SLC25A21: variants seen among roughly 807,000 people sequenced by gnomAD.
SLC25A21 encodes mitochondrial 2-oxodicarboxylate carrier.
Under a neutral mutation model 43.8 loss-of-function variants are expected in SLC25A21, and 47 were observed. That is an observed-to-expected ratio of 1.07 (90% confidence interval 0.85 to 1.37). The LOEUF is 1.37. Among genes scored for constraint, SLC25A21 ranks in the 40% most tolerant of loss-of-function variants. SLC25A21 has a pLI of 0.00. For missense variants in SLC25A21, 352 were observed against 350.2 expected, an observed-to-expected ratio of 1.00 and a Z score of -0.04; for synonymous variants, 131 against 121.3, an observed-to-expected ratio of 1.08 and a Z score of -0.52.
chr14:36,776,617 G>A (rs1019283254), intron 3 of SLC25A21, among the ~76,000 whole-genome samples: 2 of 151,928 alleles, frequency 1.3e-5, no homozygotes, highest in Non-Finnish European at 2.9e-5. Flanking sequence ...CCAACTGTAG[G>A]GTTCCCTTGT....
intron 3 of SLC25A21, among the ~76,000 whole-genome samples, chr14:36,745,090 G>A (rs113012702): frequency 0.042 from 6,263 of 150,080 alleles, 424 homozygotes; most frequent in African/African-American, 0.15. Flanking sequence ...GAGAATATGC[G>A]CTGCCTTGTT....
intron 1 of SLC25A21, among the ~76,000 whole-genome samples, chr14:37,049,638 T>C (rs775074394): frequency 2.6e-5 from 4 of 152,208 alleles, no homozygotes; most frequent in Non-Finnish European, 5.9e-5. Flanking sequence ...CACTTCAGAC[T>C]GATGTTGTAC....
At chr14:37,110,346 T>G (rs909823314) in intron 1 of SLC25A21, among the ~76,000 whole-genome samples, 1 of 152,168 alleles carries the variant, frequency 6.6e-6, no homozygotes, top group African/African-American at 2.4e-5. Flanking sequence ...AACTTTCACA[T>G]TTACCAAAAT....
At chr14:36,883,468 C>G (rs1253146568) in intron 1 of SLC25A21, among the ~76,000 whole-genome samples, 1 of 152,178 alleles carries the variant, frequency 6.6e-6, no homozygotes, top group African/African-American at 2.4e-5. Context: ...TTTTTCATTT[C>G]TCTCTAGTGT....
chr14:36,896,157 A>G (rs2138590197), intron 1 of SLC25A21, among the ~76,000 whole-genome samples: 1 of 152,238 alleles, frequency 6.6e-6, no homozygotes. Flanking sequence ...GTCTTCCATT[A>G]TTATTGTGTA....
chr14:36,922,122 G>C (rs1376694818), intron 1 of SLC25A21, among the ~76,000 whole-genome samples: 1 of 147,600 alleles, frequency 6.8e-6, no homozygotes, highest in Non-Finnish European at 1.5e-5. Context: ...CTGGGCAACA[G>C]AGCGAGATTC....
chr14:36,703,230 C>A (rs959627323), intron 7 of SLC25A21, among the ~76,000 whole-genome samples: 4 of 152,164 alleles, frequency 2.6e-5, no homozygotes, highest in African/African-American at 9.7e-5. Flanking sequence ...ATAAACAGCT[C>A]TGTCTAAGTT....
intron 1 of SLC25A21, among the ~76,000 whole-genome samples, chr14:37,054,039 C>A (rs1043629217): frequency 2.6e-5 from 4 of 152,208 alleles, no homozygotes; most frequent in Admixed American, 6.5e-5. Context: ...TATGGTCTGG[C>A]TTTGGGGACT....
At chr14:36,827,455 G>A (rs1319472063) in intron 2 of SLC25A21, among the ~76,000 whole-genome samples, 1 of 152,108 alleles carries the variant, frequency 6.6e-6, no homozygotes, top group South Asian at 2.1e-4. Context: ...TGCGACAACT[G>A]CAAATTCATA....
intron 3 of SLC25A21, among the ~76,000 whole-genome samples, chr14:36,809,837 T>C (rs2138436265): frequency 6.6e-6 from 1 of 152,312 alleles, no homozygotes; most frequent in South Asian, 2.1e-4. Flanking sequence ...CTATCTTCCC[T>C]GCAGGCCACA....
At chr14:36,944,839 G>A (rs1440712408) in intron 1 of SLC25A21, among the ~76,000 whole-genome samples, 1 of 152,100 alleles carries the variant, frequency 6.6e-6, no homozygotes, top group Non-Finnish European at 1.5e-5. Flanking sequence ...TAGGTCCACT[G>A]CCTGAAGCTG....
intron 1 of SLC25A21, among the ~76,000 whole-genome samples, chr14:36,904,832 T>C (rs1015550772): frequency 5.3e-5 from 8 of 152,090 alleles, no homozygotes; most frequent in African/African-American, 1.7e-4. Flanking sequence ...GGTCCCTCCC[T>C]GGACATGTGA....
At chr14:36,877,295 G>T (rs1038882865) in intron 1 of SLC25A21, among the ~76,000 whole-genome samples, 19 of 152,176 alleles carry the variant, frequency 1.2e-4, no homozygotes, top group Non-Finnish European at 2.9e-5. Context: ...CTTACAGCAA[G>T]ACTTGGAGAA....
At chr14:37,139,025 G>A (rs566612608) in intron 1 of SLC25A21, among the ~76,000 whole-genome samples, 58 of 152,106 alleles carry the variant, frequency 3.8e-4, no homozygotes, top group African/African-American at 7.0e-4. Flanking sequence ...TTTGTACTAC[G>A]TGGAATTCCA....
At chr14:37,009,085 C>A (rs1050188508) in intron 1 of SLC25A21, among the ~76,000 whole-genome samples, 1 of 152,198 alleles carries the variant, frequency 6.6e-6, no homozygotes, top group Non-Finnish European at 1.5e-5. Flanking sequence ...CCTACCCCTA[C>A]CCCACCATCT....
chr14:36,679,734 A>C lies in SLC25A21; in HGVS notation c.*924T>G, dbSNP rs117806461. On this transcript the variant is annotated 3_prime_UTR_variant, in exon 10 of 10. Transcript: ENST00000331299. Reference sequence around the variant, plus strand: ...TCTGTTCTATACATTCTTCCTAAAAATGGCACAGGTAGGCATGCTGAATAA... The same window carrying C: ...TCTGTTCTATACATTCTTCCTAAAACTGGCACAGGTAGGCATGCTGAATAA... 2.0e-6 allele frequency: 2 copies of C among 985,332 alleles called. No homozygotes were observed. The highest frequency in any genetic ancestry group is 2.4e-6 in the Non-Finnish European group (2 of 829,928). The allele number at this position is 985,332 out of a possible 1,614,324, so 61.0% of individuals were successfully genotyped here.
At chr14:37,171,137 AGG>A (rs1964120971) in intron 1 of SLC25A21, among the ~76,000 whole-genome samples, 10 of 2,518 alleles carry the variant, frequency 4.0e-3, no homozygotes, top group South Asian at 0.016. Context: ...AGGGGAGGGG[AGG>A]GGTGGGGAGG....
chr14:36,792,310 T>C (rs1470239987), intron 3 of SLC25A21, among the ~76,000 whole-genome samples: 6 of 152,170 alleles, frequency 3.9e-5, no homozygotes, highest in African/African-American at 1.4e-4. Context: ...TTATAAAAAC[T>C]TGATCCTTTT....
intron 1 of SLC25A21, among the ~76,000 whole-genome samples, chr14:37,045,468 T>C (rs1339298421): frequency 6.6e-6 from 1 of 152,162 alleles, no homozygotes; most frequent in Non-Finnish European, 1.5e-5. Flanking sequence ...TATTTCAAAA[T>C]TGGAAGTGAA....
Sources: allele counts gnomAD v4.1 joint callset (sites outside exome capture counted in the v4.1 genomes callset), GRCh38; gene constraint gnomAD v4.1.1; transcripts MANE v1.5; gene names NCBI Gene and HGNC (gene_info 2026-07-23, HGNC 2026-07-21).